The following ITK variants were observed in gnomAD, a reference collection of about 807,000 sequenced individuals.
The protein encoded by ITK is tyrosine-protein kinase ITK/TSK.
ITK carries 45 observed loss-of-function variants against 87.6 expected under a neutral mutation model. The observed-to-expected ratio is 0.51, with a 90% confidence interval of 0.40 to 0.66. ITK has a LOEUF of 0.66. ITK is among the 30% of genes least tolerant of loss of function. ITK has a pLI of 0.00. For synonymous variants in ITK, 303 were observed against 273.6 expected (o/e 1.11, Z -1.06); for missense variants, 605 against 766.3 (o/e 0.79, Z 2.48).
chr5:157,233,932 C>T (rs34686106), intron 8 of ITK, among the ~76,000 whole-genome samples: 1,006 of 21,606 alleles, frequency 0.047, 54 homozygotes, highest in Middle Eastern at 0.083. Flanking sequence ...CTTACTGATA[C>T]ATATATATAT....
At chr5:157,215,648 T>C (rs565054461) in intron 4 of ITK, among the ~76,000 whole-genome samples, 52 of 152,320 alleles carry the variant, frequency 3.4e-4, no homozygotes, top group African/African-American at 1.1e-3. Flanking sequence ...GTGAAAGCCC[T>C]TTCCAAAGTC....
At chr5:157,185,987 A>T (rs1753635131) in intron 1 of ITK, among the ~76,000 whole-genome samples, 1 of 152,224 alleles carries the variant, frequency 6.6e-6, no homozygotes, top group Non-Finnish European at 1.5e-5. Flanking sequence ...AATGTGAATT[A>T]TTTCACCTAA....
At chr5:157,194,117 A>G (rs1753806550) in intron 1 of ITK, among the ~76,000 whole-genome samples, 1 of 152,162 alleles carries the variant, frequency 6.6e-6, no homozygotes, top group African/African-American at 2.4e-5. Context: ...GCTCCTACAT[A>G]CATTAGTGTG....
At chr5:157,220,136 C>A (rs1342309366) in intron 5 of ITK, among the ~76,000 whole-genome samples, 1 of 152,156 alleles carries the variant, frequency 6.6e-6, no homozygotes, top group Non-Finnish European at 1.5e-5. Context: ...CCAGTCTGAG[C>A]CAACAGGTCT....
At chr5:157,182,289 G>A (rs1028827182) in intron 1 of ITK, among the ~76,000 whole-genome samples, 1 of 152,178 alleles carries the variant, frequency 6.6e-6, no homozygotes, top group Non-Finnish European at 1.5e-5. Context: ...GTGGTGGCAT[G>A]AGTTTGGGAT....
chr5:157,203,392 G>T (rs916807113), intron 1 of ITK, among the ~76,000 whole-genome samples: 2 of 152,208 alleles, frequency 1.3e-5, no homozygotes, highest in African/African-American at 4.8e-5. Context: ...TCCACTGAGG[G>T]CCAGCCACTG....
intron 1 of ITK, among the ~76,000 whole-genome samples, chr5:157,196,898 A>C (rs1753864382): frequency 6.6e-6 from 1 of 152,182 alleles, no homozygotes; most frequent in Non-Finnish European, 1.5e-5. Flanking sequence ...AGGAATATTC[A>C]CAGCTCAGAG....
chr5:157,246,050 C>G lies in ITK; in HGVS notation c.1633+51C>G, dbSNP rs186013082. The G allele has an allele frequency of 1.0e-5, 13 of 1,256,178 alleles. No homozygotes were observed. The East Asian group carries it at 2.8e-4, about 27-fold the overall frequency. The allele number at this position is 1,256,178 out of a possible 1,614,324, so 77.8% of individuals were successfully genotyped here. The stretch of plus-strand genomic sequence containing the variant: ...CCCCATGATCTGGGCTTCAGGCCAG[C>G]TGTTTCCTTTATCAAATGCAGACAA... On this transcript the variant is annotated intron_variant, in intron 15 of 16. Transcript: ENST00000422843.
At chr5:157,201,075 A>ATACAAT (rs1580880753) in intron 1 of ITK, among the ~76,000 whole-genome samples, 1 of 151,572 alleles carries the variant, frequency 6.6e-6, no homozygotes, top group East Asian at 2.0e-4. Flanking sequence ...TTAAGATAAT[A>ATACAAT]TACAATATTA....
At chr5:157,247,379 T>G (rs1755040388) in intron 15 of ITK, among the ~76,000 whole-genome samples, 1 of 152,184 alleles carries the variant, frequency 6.6e-6, no homozygotes. Context: ...CTCCCCAGTG[T>G]GTATAACTAG....
chr5:157,212,599 T>A (rs1754212537), intron 3 of ITK, among the ~76,000 whole-genome samples: 1 of 152,120 alleles, frequency 6.6e-6, no homozygotes, highest in Admixed American at 6.5e-5. Context: ...GGTGGGAGGA[T>A]CACTTGAGCT....
intron 4 of ITK, among the ~76,000 whole-genome samples, chr5:157,214,552 A>T (rs972768435): frequency 1.3e-5 from 2 of 152,080 alleles, no homozygotes; most frequent in Non-Finnish European, 2.9e-5. Flanking sequence ...CAGCATCAAC[A>T]TCTCCTAGGA....
rs748766592 is a variant in ITK at position 157,214,201 on chromosome 5, T to C, written c.336T>C (p.Asn112=). 6.2e-7 allele frequency: 1 copy of C among 1,611,990 alleles called. No individual in the cohort carries two copies. Among genetic ancestry groups the C allele is most frequent in the Non-Finnish European group, 8.5e-7 (1 of 1,178,066 alleles). ...WVLALKEETR[N]NNSLVPKYHP... The stretch of plus-strand genomic sequence containing the variant: ...GCCAACCTGTTTCAGAAACGAGGAA[T>C]AATAACAGTTTGGTGCCTAAATATC... The change falls in exon 4 of 17, where the codon AAT becomes AAC. Residue 112 remains asparagine (N), a synonymous_variant. Transcript: ENST00000422843.
intron 1 of ITK, among the ~76,000 whole-genome samples, chr5:157,196,292 A>T (rs1262511050): frequency 1.3e-5 from 2 of 152,196 alleles, no homozygotes; most frequent in Non-Finnish European, 2.9e-5. Flanking sequence ...CCCCAGGGCC[A>T]CATGTGAGAA....
chr5:157,194,498 G>A (rs1487295810), intron 1 of ITK, among the ~76,000 whole-genome samples: 3 of 152,206 alleles, frequency 2.0e-5, no homozygotes, highest in Admixed American at 2.0e-4. Context: ...AATACAAGGA[G>A]TACCAGGAGG....
At chr5:157,215,339 G>A (rs552551316) in intron 4 of ITK, among the ~76,000 whole-genome samples, 2 of 152,172 alleles carry the variant, frequency 1.3e-5, no homozygotes, top group African/African-American at 2.4e-5. Context: ...CAAGGCGGAT[G>A]TAACACATGG....
intron 1 of ITK, among the ~76,000 whole-genome samples, chr5:157,201,955 G>A (rs1753984719): frequency 6.6e-6 from 1 of 152,178 alleles, no homozygotes; most frequent in Non-Finnish European, 1.5e-5. Flanking sequence ...AATAAGCATA[G>A]TACCCAGTAG....
Position 157,202,065 on chromosome 5 carries a change from G to A in ITK, c.139-6824G>A, listed in dbSNP as rs13356668. Among the ~76,000 whole-genome samples the A allele has an allele frequency of 5.3e-3, 803 of 152,182 alleles. 7 individuals are homozygous for A. The highest frequency in any genetic ancestry group is 0.019 in the African/African-American group (768 of 41,506). On this transcript the variant is annotated intron_variant, in intron 1 of 16. Transcript: ENST00000422843. Reference sequence around the variant, plus strand: ...TGCTCACTTTTTAGCCCCCACTTACGAGAACATGCAGCATTTGGTTTTTAG... The same window carrying A: ...TGCTCACTTTTTAGCCCCCACTTACAAGAACATGCAGCATTTGGTTTTTAG...
intron 1 of ITK, among the ~76,000 whole-genome samples, chr5:157,207,727 C>T (rs1754111366): frequency 6.6e-6 from 1 of 152,122 alleles, no homozygotes; most frequent in South Asian, 2.1e-4. Flanking sequence ...ATTAAGTCTA[C>T]AAGTCCATCC....
Sources: gnomAD v4.1 joint callset for allele counts (sites outside exome capture counted in the v4.1 genomes callset) on GRCh38, gnomAD v4.1.1 for gene constraint, MANE v1.5 for transcripts, NCBI Gene and HGNC (gene_info 2026-07-23, HGNC 2026-07-21) for gene names.